The following GFM1 variants were observed in gnomAD, a reference collection of about 807,000 sequenced individuals.
GFM1 encodes the protein G elongation factor mitochondrial 1.
A neutral mutation model predicts 96.2 loss-of-function variants in GFM1; 62 were observed. The observed-to-expected ratio is 0.64, with a 90% CI of 0.53 to 0.80. GFM1 has a LOEUF of 0.80. GFM1 is among the 30% of genes least tolerant of loss of function. The pLI is 0.00. For missense variants in GFM1, 852 were observed against 916.6 expected, an observed-to-expected ratio of 0.93 and a Z score of 0.91; for synonymous variants, 282 against 312.9, an observed-to-expected ratio of 0.90 and a Z score of 1.04.
intron 5 of GFM1, 91 bp from the exon 6 acceptor site, chr3:158,652,005 A>C: frequency 8.7e-7 from 1 of 1,143,240 alleles, no homozygotes; most frequent in South Asian, 1.3e-5. Flanking sequence ...TTACCTAAAA[A>C]AATATTTTAA....
At chr3:158,685,506 T>C (rs964886156) in intron 15 of GFM1, among the ~76,000 whole-genome samples, 1 of 152,210 alleles carries the variant, frequency 6.6e-6, no homozygotes. Flanking sequence ...AATCATAATA[T>C]TTCCTAAACA....
At chr3:158,650,001 A>T (rs919097259) in intron 5 of GFM1, 1 of 1,535,638 alleles carries the variant, frequency 6.5e-7, no homozygotes, top group Non-Finnish European at 8.7e-7. Flanking sequence ...TCGTTTCTCC[A>T]CAGGCACTTC....
intron 13 of GFM1, among the ~76,000 whole-genome samples, chr3:158,681,579 C>G (rs1437620694): frequency 6.6e-6 from 1 of 152,106 alleles, no homozygotes; most frequent in African/African-American, 2.4e-5. Flanking sequence ...TAGGAACTAT[C>G]TGAATAAATT....
Position 158,691,941 on chromosome 3 carries a change from ACTGT to A in GFM1, c.*477_*480del, listed in dbSNP as rs936087733. 12 of 173,178 alleles carry A rather than the reference ACTGT, an allele frequency of 6.9e-5. No homozygotes were observed. The highest frequency in any genetic ancestry group is 2.9e-4 in the African/African-American group (12 of 41,376). 10.7% of individuals were successfully genotyped at this position (173,178 alleles called of 1,614,324 possible). The stretch of plus-strand genomic sequence containing the variant: ...AATTTGTTTTGTCATATTTGCTTTC[ACTGT>A]CTATTATCTGTTTAAGTCTCATAAC... On this transcript the variant is annotated 3_prime_UTR_variant, in exon 18 of 18. Transcript: ENST00000486715.
chr3:158,645,722 A>C lies in GFM1; in HGVS notation c.175A>C (p.Lys59Gln). The change falls in exon 2 of 18, where the codon AAA becomes CAA. Residue 59 changes from lysine (K) to glutamine (Q), a missense_variant. By Grantham distance (53) the Lys-to-Gln change is moderately conservative (BLOSUM62 1). Coordinates refer to ENST00000486715, the MANE Select transcript of GFM1 (RefSeq NM_024996.7). ...IGISAHIDSG[K>Q]TTLTERVLYY... ...AATCTCAGCTCACATTGATTCTGGG[A>C]AAACTACATTAACAGAACGAGTCCT... 1 of 1,612,626 alleles carries C rather than the reference A, an allele frequency of 6.2e-7. No individual in the cohort carries two copies.
chr3:158,687,473 A>C (rs1341595236), intron 15 of GFM1, among the ~76,000 whole-genome samples: 1 of 152,018 alleles, frequency 6.6e-6, no homozygotes, highest in Non-Finnish European at 1.5e-5. Context: ...AATTATTATT[A>C]GTATTATTAT....
chr3:158,676,064 G>A (rs914346492), intron 13 of GFM1, among the ~76,000 whole-genome samples: 1 of 152,182 alleles, frequency 6.6e-6, no homozygotes, highest in Non-Finnish European at 1.5e-5. Context: ...CTTGGGCCCA[G>A]GAGGTTGAGA....
At chr3:158,688,845 A>G (rs1044702688) in intron 15 of GFM1, among the ~76,000 whole-genome samples, 1 of 152,214 alleles carries the variant, frequency 6.6e-6, no homozygotes, top group African/African-American at 2.4e-5. Flanking sequence ...GTGAGCTAGG[A>G]TATGATTTAA....
At chr3:158,653,272 T>C in intron 6 of GFM1, 38 bp from the exon 7 acceptor site, 1 of 1,554,578 alleles carries the variant, frequency 6.4e-7, no homozygotes, top group Non-Finnish European at 8.9e-7. Context: ...AACATGTAAT[T>C]TTAACATTAA....
rs1040716293 is a variant in GFM1 at position 158,695,417 on chromosome 3, G to C, written c.*3950G>C. On this transcript the variant is annotated 3_prime_UTR_variant, in exon 18 of 18. Transcript: ENST00000486715. ...AAAAAAAAGAAAAAAAAGAAAAGAT[G>C]TTCTGATGGTGATACTGATAAATTT... 1 of 152,092 alleles carries C rather than the reference G, an allele frequency of 6.6e-6. No individual in the cohort carries two copies. The highest frequency in any genetic ancestry group is 1.5e-5 in the Non-Finnish European group (1 of 68,032). The allele number at this position is 152,092 out of a possible 1,614,324, so 9.4% of individuals were successfully genotyped here. A position where few individuals can be genotyped will look rare whatever the true frequency, so the allele number is the denominator to read the frequency against.
intron 13 of GFM1, among the ~76,000 whole-genome samples, chr3:158,679,922 T>C (rs1204688933): frequency 6.6e-6 from 1 of 152,198 alleles, no homozygotes; most frequent in Non-Finnish European, 1.5e-5. Flanking sequence ...ATATCAAAGC[T>C]AGTAACATAG....
Position 158,652,160 on chromosome 3 carries a change from G to A in GFM1, c.754G>A (p.Glu252Lys), listed in dbSNP as rs150024625. ...LRAAATDHRQ[E>K]LIECVANSDE... ...GGCGGCGGCCACTGACCACCGGCAG[G>A]AGCTAATTGAATGTGTTGCCAATTC... The change falls in exon 6 of 18, where the codon GAG becomes AAG. Residue 252 changes from glutamate to lysine, a missense_variant. By Grantham distance (56) the Glu-to-Lys change is moderately conservative. Coordinates refer to ENST00000486715, the MANE Select transcript of GFM1 (RefSeq NM_024996.7). 3.1e-6 allele frequency: 5 copies of A among 1,613,786 alleles called. No homozygotes were observed. The African/African-American group carries it at 4.0e-5, about 13-fold the overall frequency.
At chr3:158,691,001 T>C in intron 16 of GFM1, 138 bp from the exon 17 acceptor site, 1 of 685,600 alleles carries the variant, frequency 1.5e-6, no homozygotes. Flanking sequence ...TGTTTCTCTT[T>C]GGCTTTTAAT....
At chr3:158,683,892 TA>T (rs1014201307) in intron 14 of GFM1, among the ~76,000 whole-genome samples, 1 of 152,168 alleles carries the variant, frequency 6.6e-6, no homozygotes, top group African/African-American at 2.4e-5. Flanking sequence ...AATGCCACGA[TA>T]ATAAAACTTA....
At chr3:158,690,427 T>A in intron 16 of GFM1, 104 bp downstream of exon 16, 1 of 1,135,320 alleles carries the variant, frequency 8.8e-7, no homozygotes, top group East Asian at 2.3e-5. Flanking sequence ...GCTGAATTTG[T>A]GGCTTTATAC....
At position 158,649,161 on chromosome 3, in the gene GFM1, A is replaced by T. The variant is rs1324414090; in HGVS notation, c.689+4A>T. On this transcript the variant is annotated splice_donor_region_variant and intron_variant, in intron 5 of 17. Coordinates refer to ENST00000486715, the MANE Select transcript of GFM1 (RefSeq NM_024996.7). ...TCTATTTTGATGGAGACTTTGGGTA[A>T]GTGCTAAAAATACATTATTAAAATT... 4.5e-6 allele frequency: 5 copies of T among 1,112,576 alleles called. No individual in the cohort carries two copies. The highest frequency in any genetic ancestry group is 6.9e-6 in the Non-Finnish European group (5 of 724,686). The allele number at this position is 1,112,576 out of a possible 1,614,324, so 68.9% of individuals were successfully genotyped here.
chr3:158,683,022 C>T (rs1376647485), intron 14 of GFM1, among the ~76,000 whole-genome samples: 1 of 148,082 alleles, frequency 6.8e-6, no homozygotes, highest in Admixed American at 6.7e-5. Flanking sequence ...CAGTAAGACC[C>T]TGTCTCCAAA....
At chr3:158,649,321 A>G (rs1722105513) in intron 5 of GFM1, 164 bp downstream of exon 5, 1 of 515,784 alleles carries the variant, frequency 1.9e-6, no homozygotes, top group Non-Finnish European at 3.5e-6. Context: ...GTCGCTCCCC[A>G]TTTTATTTAG....
chr3:158,672,472 T>C (rs1724433672), intron 13 of GFM1: 1 of 1,613,942 alleles, frequency 6.2e-7, no homozygotes. Context: ...GTCGGCGGGA[T>C]TTCCATTCCG....
Sources: gnomAD v4.1 joint callset for allele counts (sites outside exome capture counted in the v4.1 genomes callset) on GRCh38, gnomAD v4.1.1 for gene constraint, MANE v1.5 for transcripts, NCBI Gene and HGNC (gene_info 2026-07-23, HGNC 2026-07-21) for gene names.